LINC01488: variants seen among roughly 807,000 people sequenced by gnomAD.
LINC01488 encodes the protein CCND1-upstream intergenic DNA repair 1.
exon 4 of LINC01488, chr11:69,492,971 T>C (rs1590873929): frequency 6.6e-6 from 1 of 152,188 alleles, no homozygotes; most frequent in Non-Finnish European, 1.5e-5. Flanking sequence ...GTCAAAGAAA[T>C]GGCACCCAAG....
chr11:69,488,729 C>A (rs1857165999), intron 1 of LINC01488, among the ~76,000 whole-genome samples: 1 of 152,240 alleles, frequency 6.6e-6, no homozygotes, highest in Non-Finnish European at 1.5e-5. Flanking sequence ...GGAGCCAGGC[C>A]TTCCAGTCTG....
chr11:69,489,153 T>C (rs555294948), intron 1 of LINC01488, among the ~76,000 whole-genome samples: 2 of 152,124 alleles, frequency 1.3e-5, no homozygotes, highest in South Asian at 4.2e-4. Flanking sequence ...GGACCAGGCA[T>C]CACATGTCAG....
chr11:69,491,569 G>C (rs1161711154), intron 3 of LINC01488: 1 of 152,410 alleles, frequency 6.6e-6, no homozygotes, highest in African/African-American at 2.4e-5. Context: ...GTGGTCTCCT[G>C]CTCTGCCTGA....
chr11:69,485,148 C>G (rs1286773444), intron 1 of LINC01488, among the ~76,000 whole-genome samples: 1 of 152,204 alleles, frequency 6.6e-6, no homozygotes, highest in African/African-American at 2.4e-5. Flanking sequence ...CAGGCTAAAT[C>G]TTACTTGACC....
At chr11:69,490,423 A>T (rs1390250407) in intron 1 of LINC01488, 1 of 151,818 alleles carries the variant, frequency 6.6e-6, no homozygotes, top group Non-Finnish European at 1.5e-5. Flanking sequence ...TGACTCTGAA[A>T]CCTCCTATGG....
intron 1 of LINC01488, among the ~76,000 whole-genome samples, chr11:69,490,164 G>A (rs1160420473): frequency 6.6e-6 from 1 of 152,244 alleles, no homozygotes; most frequent in Non-Finnish European, 1.5e-5. Context: ...CAGGGTTGGA[G>A]TGAAGCTGTC....
intron 1 of LINC01488, chr11:69,481,865 G>A (rs1404533223): frequency 1.3e-5 from 2 of 152,250 alleles, no homozygotes; most frequent in East Asian, 3.9e-4. Context: ...ATGGATGGAT[G>A]AGTAGATGGA....
At chr11:69,484,228 G>T (rs1857079758) in intron 1 of LINC01488, among the ~76,000 whole-genome samples, 1 of 152,202 alleles carries the variant, frequency 6.6e-6, no homozygotes, top group Admixed American at 6.5e-5. Flanking sequence ...GCCAGGGCAT[G>T]GCCTCCAGAC....
chr11:69,482,824 A>T (rs916215610), intron 1 of LINC01488, among the ~76,000 whole-genome samples: 1 of 152,188 alleles, frequency 6.6e-6, no homozygotes, highest in Non-Finnish European at 1.5e-5. Context: ...GTTCTTCTGC[A>T]GTCTCTTTCC....
At chr11:69,491,512 G>A (rs895254454) in intron 3 of LINC01488, 5 of 152,314 alleles carry the variant, frequency 3.3e-5, no homozygotes, top group Non-Finnish European at 7.3e-5. Context: ...GGAAGCTGTG[G>A]GGTGAGGGAG....
chr11:69,487,272 C>T (rs929977843), intron 1 of LINC01488, among the ~76,000 whole-genome samples: 8 of 152,252 alleles, frequency 5.3e-5, no homozygotes, highest in Non-Finnish European at 1.0e-4. Context: ...GCCTGGAAAG[C>T]CCAGGAGAGC....
At chr11:69,484,584 G>A (rs1393332431) in intron 1 of LINC01488, among the ~76,000 whole-genome samples, 1 of 152,240 alleles carries the variant, frequency 6.6e-6, no homozygotes, top group Non-Finnish European at 1.5e-5. Flanking sequence ...GACCTCTAGT[G>A]TGAAACGGGA....
chr11:69,482,282 T>C (rs1212482519), intron 1 of LINC01488, among the ~76,000 whole-genome samples: 1 of 152,204 alleles, frequency 6.6e-6, no homozygotes, highest in Non-Finnish European at 1.5e-5. Flanking sequence ...GAGAACAGTA[T>C]GGGGTAAACC....
intron 1 of LINC01488, among the ~76,000 whole-genome samples, chr11:69,490,158 G>A (rs1418197478): frequency 6.6e-6 from 1 of 152,228 alleles, no homozygotes; most frequent in Non-Finnish European, 1.5e-5. Context: ...AGGCCCCAGG[G>A]TTGGAGTGAA....
chr11:69,486,092 A>C (rs1857110880), intron 1 of LINC01488: 1 of 145,000 alleles, frequency 6.9e-6, no homozygotes, highest in African/African-American at 2.7e-5. Flanking sequence ...ACTGAGGCCC[A>C]GAGTGATGCA....
At chr11:69,488,025 G>A (rs1018325186) in intron 1 of LINC01488, 2 of 152,492 alleles carry the variant, frequency 1.3e-5, no homozygotes, top group Admixed American at 6.5e-5. Flanking sequence ...CAGGACTCCA[G>A]CCCCAGCCCA....
intron 1 of LINC01488, among the ~76,000 whole-genome samples, chr11:69,486,939 G>A (rs565195977): frequency 9.2e-5 from 14 of 152,288 alleles, no homozygotes; most frequent in African/African-American, 1.2e-4. Context: ...GGTCCCCTCC[G>A]GGCCCAGAGC....
intron 1 of LINC01488, among the ~76,000 whole-genome samples, chr11:69,483,790 C>T (rs1565191589): frequency 6.6e-6 from 1 of 151,666 alleles, no homozygotes. Context: ...ATATTTCTGG[C>T]AAGGAAGCTG....
Position 69,483,824 on chromosome 11 carries a change from GC to G in LINC01488, n.122+2044del, listed in dbSNP as rs1367819339. ...TGACAATAAACCAAGGCCCGGGCCG[GC>G]CCGGCTGGCGGGCAGCAAATGAAGA... On this transcript the variant is annotated intron_variant and non_coding_transcript_variant, in intron 1 of 3. Coordinates refer to ENST00000644563, the Ensembl canonical transcript of LINC01488. Among the ~76,000 whole-genome samples, 21 of 152,288 alleles carry G rather than the reference GC, an allele frequency of 1.4e-4. No homozygotes were observed. The East Asian group carries it at 3.9e-3, about 28-fold the overall frequency.
Sources: gnomAD v4.1 joint callset for allele counts (sites outside exome capture counted in the v4.1 genomes callset) on GRCh38, gnomAD v4.1.1 for gene constraint, MANE v1.5 for transcripts, NCBI Gene and HGNC (gene_info 2026-07-23, HGNC 2026-07-21) for gene names.